NRG1: variants seen among roughly 807,000 people sequenced by gnomAD.
NRG1 encodes pro-neuregulin-1, membrane-bound isoform.
In NRG1, 18 loss-of-function variants were observed where a neutral mutation model predicts 63.8. The ratio of observed to expected loss-of-function variants is 0.28; its 90% CI spans 0.19 to 0.42. The LOEUF is 0.42. Among genes scored for constraint, NRG1 ranks in the 10% least tolerant of loss-of-function variants. The pLI, the probability that NRG1 is intolerant of heterozygous loss-of-function variation, is 1.00. For synonymous variants in NRG1, 302 were observed against 301.3 expected (o/e 1.00, Z -0.02); for missense variants, 762 against 814.7 (o/e 0.94, Z 0.79).
At chr8:32,418,459 A>G (rs1816243329) in intron 1 of NRG1, among the ~76,000 whole-genome samples, 1 of 151,974 alleles carries the variant, frequency 6.6e-6, no homozygotes, top group Non-Finnish European at 1.5e-5. Flanking sequence ...TATCAATTAG[A>G]TATTTTACAT....
At chr8:31,981,755 G>T (rs564128691) in intron 1 of NRG1, among the ~76,000 whole-genome samples, 3 of 152,006 alleles carry the variant, frequency 2.0e-5, no homozygotes, top group South Asian at 2.1e-4. Context: ...CATGAAGCTT[G>T]CAGCCCTCTG....
intron 1 of NRG1, among the ~76,000 whole-genome samples, chr8:32,299,221 G>C (rs1855306389): frequency 6.6e-6 from 1 of 151,862 alleles, no homozygotes; most frequent in South Asian, 2.1e-4. Context: ...ATGTTTTCTA[G>C]ATAAATAGTC....
intron 1 of NRG1, among the ~76,000 whole-genome samples, chr8:31,798,757 A>G (rs949998265): frequency 6.6e-6 from 1 of 152,172 alleles, no homozygotes; most frequent in African/African-American, 2.4e-5. Context: ...AAAGTTAAAT[A>G]ACTCTAATTA....
At chr8:32,543,234 T>C (rs1832740501) in intron 1 of NRG1, among the ~76,000 whole-genome samples, 1 of 152,178 alleles carries the variant, frequency 6.6e-6, no homozygotes, top group Non-Finnish European at 1.5e-5. Context: ...AATGAGAAAT[T>C]ATATACCCAG....
chr8:32,606,556 T>C (rs1486502814), intron 3 of NRG1, among the ~76,000 whole-genome samples: 1 of 152,130 alleles, frequency 6.6e-6, no homozygotes, highest in Admixed American at 6.5e-5. Context: ...TGATACTCCA[T>C]GATTTGATGG....
At chr8:32,395,248 A>G (rs751034157) in intron 1 of NRG1, among the ~76,000 whole-genome samples, 16 of 152,224 alleles carry the variant, frequency 1.1e-4, no homozygotes, top group Non-Finnish European at 1.9e-4. Context: ...AAGATCAAGC[A>G]ACTAGTAAGT....
intron 1 of NRG1, among the ~76,000 whole-genome samples, chr8:31,844,023 T>C (rs1256888951): frequency 6.6e-6 from 1 of 152,212 alleles, no homozygotes; most frequent in Non-Finnish European, 1.5e-5. Flanking sequence ...TTACCTATTA[T>C]CAACTCAATT....
At chr8:32,170,668 A>G (rs115124411) in intron 1 of NRG1, among the ~76,000 whole-genome samples, 2,910 of 152,298 alleles carry the variant, frequency 0.019, 93 homozygotes, top group African/African-American at 0.067. Context: ...GCAATTTTCT[A>G]TTTAAGGTGT....
In NRG1 at chr8:32,538,433, G is replaced by A. The variant is rs532807809; in HGVS notation, c.38-57395G>A. 3.9e-5 allele frequency among the ~76,000 whole-genome samples: 6 copies of A among 152,292 alleles called. No individual in the cohort carries two copies. The South Asian group carries it at 6.2e-4, about 16-fold the overall frequency. On this transcript the variant is annotated intron_variant, in intron 1 of 10. Transcript: ENST00000519301. Reference sequence around the variant, plus strand: ...CCCCATGATGGTTCATGAGAAACACGTGTTCATATGATTATACCATGTTTT... The same window carrying A: ...CCCCATGATGGTTCATGAGAAACACATGTTCATATGATTATACCATGTTTT...
Position 31,950,518 on chromosome 8 carries a change from C to G in NRG1, c.37+311087C>G, listed in dbSNP as rs184449848. On this transcript the variant is annotated intron_variant, in intron 1 of 10. Coordinates refer to the NRG1 transcript ENST00000519301. Reference sequence around the variant, plus strand: ...ACAGGTGAGCACCAGATAGTTTGAGCAGCAGCTGGAACAGTTCAATAAGAG... The same window carrying G: ...ACAGGTGAGCACCAGATAGTTTGAGGAGCAGCTGGAACAGTTCAATAAGAG... Among the ~76,000 whole-genome samples, 561 of 152,330 alleles carry G rather than the reference C, an allele frequency of 3.7e-3. 2 individuals carry two copies. The highest frequency in any genetic ancestry group is 5.9e-3 in the Non-Finnish European group (404 of 68,028).
intron 1 of NRG1, among the ~76,000 whole-genome samples, chr8:31,896,370 A>G (rs1831578759): frequency 6.6e-6 from 1 of 152,256 alleles, no homozygotes; most frequent in Non-Finnish European, 1.5e-5. Context: ...ACTCTTTAAC[A>G]TGATACATAA....
chr8:31,785,758 G>T (rs1332166878), intron 1 of NRG1, among the ~76,000 whole-genome samples: 1 of 152,062 alleles, frequency 6.6e-6, no homozygotes, highest in Non-Finnish European at 1.5e-5. Flanking sequence ...AGAAAATTCA[G>T]TTGTGTGTAG....
At chr8:32,137,865 T>C (rs1472331178) in intron 1 of NRG1, among the ~76,000 whole-genome samples, 3 of 152,210 alleles carry the variant, frequency 2.0e-5, no homozygotes, top group Non-Finnish European at 2.9e-5. Context: ...TCTCACTCTT[T>C]CCTAAGTGTA....
At chr8:32,558,136 C>T (rs571815538) in intron 1 of NRG1, among the ~76,000 whole-genome samples, 1 of 152,256 alleles carries the variant, frequency 6.6e-6, no homozygotes, top group East Asian at 1.9e-4. Context: ...TAAGGGAGAG[C>T]GTAGAGTATA....
chr8:32,069,135 T>C (rs1210358397), intron 1 of NRG1, among the ~76,000 whole-genome samples: 18 of 152,176 alleles, frequency 1.2e-4, no homozygotes, highest in Admixed American at 1.2e-3. Context: ...GTCTGTCTGC[T>C]CACAGGCAGG....
At chr8:31,851,607 ATTAAT>A (rs1827227029) in intron 1 of NRG1, among the ~76,000 whole-genome samples, 1 of 151,828 alleles carries the variant, frequency 6.6e-6, no homozygotes, top group African/African-American at 2.4e-5. Flanking sequence ...TTTTTAATTA[ATTAAT>A]TTATTATTAT....
At chr8:32,524,947 T>A (rs1280053135) in intron 1 of NRG1, among the ~76,000 whole-genome samples, 1 of 152,216 alleles carries the variant, frequency 6.6e-6, no homozygotes, top group Admixed American at 6.5e-5. Context: ...GTTTTCAACT[T>A]TTATTTTTAA....
chr8:31,700,634 A>G lies in NRG1; in HGVS notation c.37+61203A>G, dbSNP rs138283011. 6.1e-3 allele frequency among the ~76,000 whole-genome samples: 935 copies of G among 152,334 alleles called. 4 individuals are homozygous for G. Among genetic ancestry groups the G allele is most frequent in the Non-Finnish European group, 9.9e-3 (674 of 68,030 alleles). On this transcript the variant is annotated intron_variant, in intron 1 of 10. Coordinates refer to the NRG1 transcript ENST00000519301. ...AGTGAATTGCATCAGGGTGCCTGGT[A>G]GAAAAACTGGCATTAGAACCTCGAT...
chr8:32,172,569 T>C (rs1447529950), intron 1 of NRG1, among the ~76,000 whole-genome samples: 1 of 152,072 alleles, frequency 6.6e-6, no homozygotes, highest in Non-Finnish European at 1.5e-5. Flanking sequence ...TTTGAACCCA[T>C]GGCAAAGAAG....
Sources: gnomAD v4.1 joint callset for allele counts (sites outside exome capture counted in the v4.1 genomes callset) on GRCh38, gnomAD v4.1.1 for gene constraint, MANE v1.5 for transcripts, NCBI Gene and HGNC (gene_info 2026-07-23, HGNC 2026-07-21) for gene names.